Variants in SP140 observed in about 807,000 individuals in gnomAD.
The protein encoded by SP140 is SP140 nuclear body protein.
SP140 carries 81 observed loss-of-function variants against 125.0 expected under a neutral mutation model. The ratio of observed to expected loss-of-function variants is 0.65; its 90% CI spans 0.54 to 0.78. The LOEUF is 0.78. SP140 is among the 30% of genes least tolerant of loss of function. The pLI is 0.00. For synonymous variants in SP140, 312 were observed against 354.0 expected (o/e 0.88, Z 1.33); for missense variants, 858 against 1,037.0 (o/e 0.83, Z 2.37).
rs143285758 is a variant in SP140 at position 230,288,021 on chromosome 2, C to T, written c.1720+55C>T. 1,351 of 1,421,408 alleles carry T rather than the reference C, an allele frequency of 9.5e-4. 5 individuals are homozygous for T. In the African/African-American group the frequency reaches 0.016, roughly 17 times the overall value. 88.0% of individuals were successfully genotyped at this position (1,421,408 alleles called of 1,614,324 possible). A position where few individuals can be genotyped will look rare whatever the true frequency, so the allele number is the denominator to read the frequency against. ...ATAACTAAACATCTAATTTCCTGTG[C>T]GGTACACTGTACTTTCAGTAATAAA... On this transcript the variant is annotated intron_variant, in intron 18 of 26. Coordinates refer to ENST00000392045, the MANE Select transcript of SP140 (RefSeq NM_007237.5).
chr2:230,306,285 A>G (rs1208268023), intron 22 of SP140, among the ~76,000 whole-genome samples: 1 of 152,176 alleles, frequency 6.6e-6, no homozygotes, highest in Non-Finnish European at 1.5e-5. Flanking sequence ...TGCAGCCGAG[A>G]CTCACAGAAC....
chr2:230,254,592 C>G (rs1043132052), intron 11 of SP140, among the ~76,000 whole-genome samples: 1 of 152,226 alleles, frequency 6.6e-6, no homozygotes, highest in African/African-American at 2.4e-5. Flanking sequence ...AGAAACTCCT[C>G]TTTCTCCAGG....
chr2:230,271,350 G>T (rs565572489), intron 15 of SP140, among the ~76,000 whole-genome samples: 1 of 152,298 alleles, frequency 6.6e-6, no homozygotes, highest in East Asian at 1.9e-4. Context: ...ATATTGCCTT[G>T]AGTAGTCCTT....
chr2:230,244,904 A>T, intron 5 of SP140, 84 bp from the exon 6 acceptor site: 1 of 917,014 alleles, frequency 1.1e-6, no homozygotes, highest in Admixed American at 2.1e-5. Context: ...TGCAAGGAGA[A>T]GCTCACTTGA....
intron 12 of SP140, among the ~76,000 whole-genome samples, chr2:230,267,711 A>G (rs1401566704): frequency 6.6e-6 from 1 of 152,250 alleles, no homozygotes; most frequent in Non-Finnish European, 1.5e-5. Flanking sequence ...CGTGACAAAC[A>G]GCAAAGAGGC....
chr2:230,270,442 GT>G, intron 14 of SP140, 143 bp from the exon 15 acceptor site: 12 of 838,046 alleles, frequency 1.4e-5, no homozygotes, highest in Non-Finnish European at 2.2e-5. Flanking sequence ...AGTTCGGTGG[GT>G]TTTTGGTTCC....
At chr2:230,194,297 A>G in the SP140 span, among the ~76,000 whole-genome samples, 1 of 152,030 alleles carries the variant, frequency 6.6e-6, no homozygotes. Context: ...AATAATTTTG[A>G]GTAAAAGAAT....
the SP140 span, among the ~76,000 whole-genome samples, chr2:230,187,741 A>T: frequency 6.6e-6 from 1 of 152,170 alleles, no homozygotes. Context: ...CCATTTATTA[A>T]ATATGGTGTC....
Position 230,248,051 on chromosome 2 carries a change from A to C in SP140, c.878A>C (p.Glu293Ala). 2 of 1,613,500 alleles carry C rather than the reference A, an allele frequency of 1.2e-6. No homozygotes were observed. Among genetic ancestry groups the C allele is most frequent in the African/African-American group, 1.3e-5 (1 of 75,000 alleles). ...QDKEKYQESP[E>A]GRDKETFDLK... Reference sequence around the variant, plus strand: ...AAGGAGAAGTACCAAGAGAGTCCAGAGGGAAGAGACAAAGGTAGGAACAGA... The same window carrying C: ...AAGGAGAAGTACCAAGAGAGTCCAGCGGGAAGAGACAAAGGTAGGAACAGA... The change falls in exon 8 of 27, where the codon GAG becomes GCG. Residue 293 changes from glutamate (E) to alanine (A), a missense_variant. Physicochemically the swap from Glu to Ala is moderately radical, Grantham distance 107. This residue lies in a region of SP140 where 791 missense variants were observed against 869.5 expected (regional missense o/e 0.91). Transcript: ENST00000392045.
intron 1 of SP140, among the ~76,000 whole-genome samples, chr2:230,233,627 T>C (rs990272930): frequency 6.6e-6 from 1 of 152,244 alleles, no homozygotes; most frequent in Non-Finnish European, 1.5e-5. Flanking sequence ...ACTTAAAATA[T>C]GTATTTATTC....
rs1319359594 is a variant in SP140, at chr2:230,255,492, G to A, written c.1200G>A (p.Glu400=). The A allele has an allele frequency of 1.2e-5, 20 of 1,613,600 alleles. No individual in the cohort carries two copies. The highest frequency in any genetic ancestry group is 1.7e-5 in the Non-Finnish European group (20 of 1,179,830). The change falls in exon 12 of 27, where the codon GAG becomes GAA. Residue 400 remains glutamate (E), a synonymous_variant. Transcript: ENST00000392045. ...GTTCGGAAATGTGTGATGGAGAAGAGCGCCAGGAAGCCTCTAGCTCCCTAG... is the reference window on the plus strand; with the variant it reads ...GTTCGGAAATGTGTGATGGAGAAGAACGCCAGGAAGCCTCTAGCTCCCTAG... ...DDCSEMCDGE[E]RQEASSSLAR... is the part of the protein sequence containing the mutation.
chr2:230,220,163 G>C, intron 3 of SP140: 5 of 795,716 alleles, frequency 6.3e-6, no homozygotes, highest in Non-Finnish European at 7.6e-6. Context: ...AGGGCGTGTT[G>C]CCAGTTGGGA....
intron 22 of SP140, among the ~76,000 whole-genome samples, chr2:230,302,813 G>C (rs747163749): frequency 1.3e-5 from 2 of 152,128 alleles, no homozygotes; most frequent in African/African-American, 2.4e-5. Flanking sequence ...AATGATCATT[G>C]GGTCCACAAT....
At position 230,225,840 on chromosome 2, in the gene SP140, A is replaced by G. The variant is rs766953517; in HGVS notation, c.-5A>G. ...TCGAATCGGGTGTGATCCTAGGCCA[A>G]GCTCATGGCCCAGCAGGGCCAGCAG... is the stretch of plus-strand genomic sequence containing the variant. On this transcript the variant is annotated 5_prime_UTR_variant, in exon 1 of 27. Transcript: ENST00000392045. 6.2e-7 allele frequency: 1 copy of G among 1,613,662 alleles called. No individual in the cohort carries two copies.
chr2:230,211,356 C>T lies in SP140; in HGVS notation c.-322-2298C>T. The T allele has an allele frequency of 1.3e-6, 1 of 772,738 alleles. No individual in the cohort carries two copies. Among genetic ancestry groups the T allele is most frequent in the Admixed American group, 1.9e-5 (1 of 53,906 alleles). The allele number at this position is 772,738 out of a possible 1,614,324, so 47.9% of individuals were successfully genotyped here. A position where few individuals can be genotyped will look rare whatever the true frequency, so the allele number is the denominator to read the frequency against. ...GTGCTGGGTGAACTGGAAGCTGGGC[C>T]AAGATTGCTGAGAGGCAGGAGGAGA... is the stretch of plus-strand genomic sequence containing the variant. On this transcript the variant is annotated intron_variant, in intron 1 of 4. Transcript: ENST00000456542. This position sits in a 1 kb window ranked among gnomAD's most constrained non-coding sequence, Gnocchi z 4.2.
At chr2:230,202,589 C>G (rs7606916), upstream of SP140, 23,902 of 1,614,088 alleles carry the variant, frequency 0.015, 2,603 homozygotes, top group African/African-American at 0.26. Flanking sequence ...CCTCTGATCT[C>G]GACTTTCGGG....
At chr2:230,205,993 T>C (rs2043750882) in intron 1 of SP140, among the ~76,000 whole-genome samples, 1 of 152,110 alleles carries the variant, frequency 6.6e-6, no homozygotes, top group South Asian at 2.1e-4. Context: ...ATAAGTAGAA[T>C]GGGGGAGAAA....
rs762753374 is a variant in SP140, at chr2:230,309,956, G to A, written c.2091G>A (p.Arg697=). The A allele has an allele frequency of 4.3e-6, 7 of 1,614,024 alleles. No individual in the cohort carries two copies. The change falls in exon 23 of 27, where the codon CGG becomes CGA. Residue 697 remains arginine (R), a synonymous_variant. Transcript: ENST00000392045. The stretch of plus-strand genomic sequence containing the variant: ...ACCTGGATGAGTGTGAGGTGTGCCG[G>A]GACGGAGGGGAGCTGTTCTGTTGCG... The part of the protein sequence containing the change: ...MRNLDECEVC[R]DGGELFCCDT...
intron 15 of SP140, among the ~76,000 whole-genome samples, chr2:230,273,284 A>G (rs1400202094): frequency 1.3e-5 from 2 of 152,246 alleles, no homozygotes; most frequent in Non-Finnish European, 2.9e-5. Context: ...TGGGCAAAGG[A>G]TATCAACAGA....
Sources: allele counts gnomAD v4.1 joint callset (sites outside exome capture counted in the v4.1 genomes callset), GRCh38; gene constraint gnomAD v4.1.1; regional missense constraint gnomAD v4.1.1; non-coding constraint Gnocchi (gnomAD v3.1); transcripts MANE v1.5; gene names NCBI Gene and HGNC (gene_info 2026-07-23, HGNC 2026-07-21).